The following MYO5C variants were observed in gnomAD, a reference collection of about 807,000 sequenced individuals.
MYO5C encodes myosin VC.
MYO5C carries 194 observed loss-of-function variants against 235.7 expected under a neutral mutation model. The ratio of observed to expected loss-of-function variants is 0.82; its 90% CI spans 0.73 to 0.93. The LOEUF (loss-of-function observed/expected upper bound fraction) is 0.93, where lower values mean the gene tolerates loss of function less well. Among genes scored for constraint, MYO5C ranks in the 40% least tolerant of loss-of-function variants. The pLI is 0.00. For synonymous variants in MYO5C, 707 were observed against 754.8 expected (o/e 0.94, Z 1.04); for missense variants, 2,038 against 2,127.2 (o/e 0.96, Z 0.82).
chr15:52,197,451 A>G (rs943792146), intron 38 of MYO5C, among the ~76,000 whole-genome samples: 4 of 152,238 alleles, frequency 2.6e-5, no homozygotes, highest in Admixed American at 2.6e-4. Flanking sequence ...GTAGAGAAAG[A>G]AAACATATTA....
At chr15:52,253,863 G>A (rs79388178) in intron 11 of MYO5C, among the ~76,000 whole-genome samples, 4,194 of 152,338 alleles carry the variant, frequency 0.028, 148 homozygotes, top group South Asian at 0.15. Flanking sequence ...GGTGGGAGAA[G>A]CCCACTGCTT....
At chr15:52,262,882 C>G (rs972404703) in intron 9 of MYO5C, among the ~76,000 whole-genome samples, 6 of 152,198 alleles carry the variant, frequency 3.9e-5, no homozygotes, top group African/African-American at 1.2e-4. Context: ...AGTCCTAACC[C>G]CCAATGTGAC....
chr15:52,195,649 G>A (rs1239143027), intron 39 of MYO5C, among the ~76,000 whole-genome samples, 192 bp from the exon 40 acceptor site: 1 of 152,084 alleles, frequency 6.6e-6, no homozygotes, highest in East Asian at 1.9e-4. Context: ...AGGGAGCAAA[G>A]GCAAATCAGA....
chr15:52,250,524 G>A (rs2036449006), intron 13 of MYO5C, among the ~76,000 whole-genome samples: 2 of 152,148 alleles, frequency 1.3e-5, no homozygotes, highest in Admixed American at 1.3e-4. Flanking sequence ...GATTACAGGT[G>A]TGAGCCACTG....
chr15:52,253,362 A>C lies in MYO5C; in HGVS notation c.1491T>G (p.Ile497Met). Reference protein sequence around the residue: ...FYDNQPVIDLIEAKMGILELL... With the variant: ...FYDNQPVIDLMEAKMGILELL... ...ACTCCAGAATTCCCATTTTTGCTTC[A>C]ATCAGGTCAATAACTGGTTGATTGT... The change falls in exon 12 of 41, where the codon ATT becomes ATG. Residue 497 changes from isoleucine to methionine, a missense_variant. Coordinates refer to ENST00000261839, the MANE Select transcript of MYO5C (RefSeq NM_018728.4). 1 of 1,613,104 alleles carries C rather than the reference A, an allele frequency of 6.2e-7. No individual in the cohort carries two copies. The highest frequency in any genetic ancestry group is 1.1e-5 in the South Asian group (1 of 90,910).
At position 52,275,653 on chromosome 15, in the gene MYO5C, C is replaced by G. The variant is rs774460775; in HGVS notation, c.515G>C (p.Arg172Pro). ...GGTGGCAAAGTACCTCATGGCATAG[C>G]GAGCCGACACTGTCTTTCCAGCACC... ...ESGAGKTVSA[R>P]YAMRYFATVS... is the part of the protein sequence containing the mutation. The change falls in exon 5 of 41, where the codon CGC becomes CCC. Residue 172 changes from arginine (R) to proline (P), a missense_variant. Coordinates refer to ENST00000261839, the MANE Select transcript of MYO5C (RefSeq NM_018728.4). 2.5e-6 allele frequency: 4 copies of G among 1,614,172 alleles called. No homozygotes were observed. In the African/African-American group the frequency reaches 5.3e-5, roughly 22 times the overall value.
chr15:52,277,911 C>T (rs2037086554), intron 4 of MYO5C: 1 of 455,896 alleles, frequency 2.2e-6, no homozygotes, highest in Non-Finnish European at 4.4e-6. Flanking sequence ...CTCTGAGAGT[C>T]CAGCTCACAG....
chr15:52,223,854 G>A (rs756589087), intron 28 of MYO5C, 130 bp from the exon 29 acceptor site: 24 of 692,714 alleles, frequency 3.5e-5, no homozygotes, highest in East Asian at 8.8e-5. Flanking sequence ...ATGCACTCAC[G>A]GTTACAGGCT....
chr15:52,211,484 G>T (rs1227382390), intron 35 of MYO5C, among the ~76,000 whole-genome samples: 1 of 152,194 alleles, frequency 6.6e-6, no homozygotes, highest in African/African-American at 2.4e-5. Flanking sequence ...CACCCTAAGG[G>T]GATAGCAGTG....
chr15:52,232,191 G>GAAAA (rs1477930016), intron 24 of MYO5C, among the ~76,000 whole-genome samples: 3 of 94,792 alleles, frequency 3.2e-5, no homozygotes, highest in African/African-American at 1.6e-4. Context: ...AGGGAGGAAG[G>GAAAA]GAGGAAGGAA....
chr15:52,229,399 CG>C, intron 24 of MYO5C, 86 bp from the exon 25 acceptor site: 1 of 1,298,524 alleles, frequency 7.7e-7, no homozygotes, highest in Non-Finnish European at 1.1e-6. Flanking sequence ...CCAAGGCAGG[CG>C]GATCCCTTGA....
rs2036952678 is a variant in MYO5C, at chr15:52,272,701, G to A, written c.629C>T (p.Thr210Ile). 1.2e-6 allele frequency: 2 copies of A among 1,613,902 alleles called. No homozygotes were observed. The highest frequency in any genetic ancestry group is 4.5e-5 in the East Asian group (2 of 44,888). The change falls in exon 6 of 41, where the codon ACC becomes ATC. Residue 210 changes from threonine to isoleucine, a missense_variant. By Grantham distance (89) the Thr-to-Ile change is moderately conservative. Transcript: ENST00000261839. ...AAACCGACTACTATTGTCATTGCGGGTGGTCTTGGCATTTCCAACGGCCTA... is the reference window on the plus strand; with the variant it reads ...AAACCGACTACTATTGTCATTGCGGATGGTCTTGGCATTTCCAACGGCCTA... ...ITEAVGNAKT[T>I]RNDNSSRFGK... is the part of the protein sequence containing the mutation.
Position 52,237,490 on chromosome 15 carries a change from C to T in MYO5C, c.2860G>A (p.Val954Met). 6.2e-7 allele frequency: 1 copy of T among 1,614,018 alleles called. No individual in the cohort carries two copies. The highest frequency in any genetic ancestry group is 8.5e-7 in the Non-Finnish European group (1 of 1,179,940). The change falls in exon 22 of 41, where the codon GTG (valine) becomes ATG (methionine). Residue 954 changes from valine (V) to methionine (M), a missense_variant. Transcript: ENST00000261839. ...ACACGCCCGCAGCTGACCTCTTCCA[C>T]AGCATCCCTGTATCTCTTCCCCTTC... Reference protein sequence around the residue: ...EEKGKRYRDAVEEKLAKLQKH... With the variant: ...EEKGKRYRDAMEEKLAKLQKH...
At chr15:52,291,215 G>C (rs2037381506) in intron 1 of MYO5C, among the ~76,000 whole-genome samples, 1 of 152,190 alleles carries the variant, frequency 6.6e-6, no homozygotes, top group South Asian at 2.1e-4. Context: ...CTAGAGAATA[G>C]TGCCACTAAA....
intron 25 of MYO5C, 137 bp downstream of exon 25, chr15:52,228,996 G>A (rs2035890331): frequency 1.1e-6 from 1 of 917,340 alleles, no homozygotes; most frequent in Non-Finnish European, 1.6e-6. Context: ...GTGCACAGTT[G>A]GAAGGACTGA....
At chr15:52,227,682 G>T (rs1299999423) in intron 25 of MYO5C, among the ~76,000 whole-genome samples, 1 of 152,130 alleles carries the variant, frequency 6.6e-6, no homozygotes, top group Non-Finnish European at 1.5e-5. Context: ...GGCTCATGTG[G>T]CTGCTAAGAG....
intron 1 of MYO5C, among the ~76,000 whole-genome samples, chr15:52,286,957 G>GA (rs1012679471): frequency 4.5e-4 from 50 of 111,936 alleles, no homozygotes; most frequent in East Asian, 1.4e-3. Context: ...AAAGAAAAAA[G>GA]AAAAAAAAAA....
chr15:52,287,320 G>A (rs578228682), intron 1 of MYO5C, among the ~76,000 whole-genome samples: 23 of 152,270 alleles, frequency 1.5e-4, no homozygotes, highest in African/African-American at 4.6e-4. Context: ...CCTGTCTCAG[G>A]CACACACACC....
At chr15:52,203,028 C>A (rs1168692465) in intron 38 of MYO5C, among the ~76,000 whole-genome samples, 1 of 151,098 alleles carries the variant, frequency 6.6e-6, no homozygotes, top group African/African-American at 2.4e-5. Flanking sequence ...TCTAGTGATT[C>A]TCTTGTCTCA....
Sources: gnomAD v4.1 joint callset for allele counts (sites outside exome capture counted in the v4.1 genomes callset) on GRCh38, gnomAD v4.1.1 for gene constraint, MANE v1.5 for transcripts, NCBI Gene and HGNC (gene_info 2026-07-23, HGNC 2026-07-21) for gene names.